Variants in ABCD3 observed in about 807,000 individuals in gnomAD.
The protein encoded by ABCD3 is ATP binding cassette subfamily D member 3.
In ABCD3, 41 loss-of-function variants were observed where a neutral mutation model predicts 105.5. That is an observed-to-expected ratio of 0.39 (90% CI 0.30 to 0.50). ABCD3 has a LOEUF of 0.50. Ranked by LOEUF, ABCD3 falls within the 20% of genes least tolerant of loss-of-function variation. The pLI is 0.84. For synonymous variants in ABCD3, 258 were observed against 269.0 expected (o/e 0.96, Z 0.40); for missense variants, 622 against 806.3 (o/e 0.77, Z 2.77).
upstream of ABCD3, among the ~76,000 whole-genome samples, chr1:94,417,662 C>A (rs537049374): frequency 2.6e-5 from 4 of 152,388 alleles, no homozygotes; most frequent in Admixed American, 1.3e-4. Context: ...TTTTACATCG[C>A]CGCTGGCGAT....
intron 1 of ABCD3, among the ~76,000 whole-genome samples, chr1:94,430,706 G>T (rs149078782): frequency 4.9e-4 from 75 of 152,262 alleles, no homozygotes; most frequent in Admixed American, 4.6e-3. Flanking sequence ...TCTTAGGTAT[G>T]TTTTTATCAG....
chr1:94,480,906 C>A (rs1301679589), intron 9 of ABCD3, among the ~76,000 whole-genome samples: 2 of 152,260 alleles, frequency 1.3e-5, no homozygotes, highest in East Asian at 3.9e-4. Context: ...ACTTACAATA[C>A]CTGTTCCAAG....
At chr1:94,491,088 C>T (rs1454170703) in intron 15 of ABCD3, 96 bp from the exon 16 acceptor site, 1 of 878,656 alleles carries the variant, frequency 1.1e-6, no homozygotes, top group Non-Finnish European at 1.8e-6. Context: ...GCTCTTTGCC[C>T]ATTTTTTAAT....
At chr1:94,418,881 G>T in intron 1 of ABCD3, 1 of 498,740 alleles carries the variant, frequency 2.0e-6, no homozygotes. Context: ...CTCCAGTTGG[G>T]GGTGGGAGGG....
rs1491109593 is a variant in ABCD3, at chr1:94,428,072, TTG to T, written c.110+9486_110+9487del. Among the ~76,000 whole-genome samples the T allele has an allele frequency of 9.2e-4, 138 of 149,488 alleles. 3 individuals are homozygous for T. The highest frequency in any genetic ancestry group is 7.9e-3 in the East Asian group (39 of 4,928). ...AAATAGGAGTATGCTAAAAGGTGTTTTGTTTTTTTTTTTATTTTTTATTTTTT... is the reference window on the plus strand; with the variant it reads ...AAATAGGAGTATGCTAAAAGGTGTTTTTTTTTTTTTTATTTTTTATTTTTT... On this transcript the variant is annotated intron_variant, in intron 1 of 22. Coordinates refer to ENST00000370214, the MANE Select transcript of ABCD3 (RefSeq NM_002858.4).
chr1:94,494,985 G>A (rs1649728893), intron 16 of ABCD3, among the ~76,000 whole-genome samples: 1 of 152,176 alleles, frequency 6.6e-6, no homozygotes, highest in Non-Finnish European at 1.5e-5. Context: ...GGCGGCTGAG[G>A]TGGGAGGATC....
intron 8 of ABCD3, among the ~76,000 whole-genome samples, chr1:94,478,906 G>A (rs1480819310): frequency 6.6e-6 from 1 of 152,116 alleles, no homozygotes; most frequent in Non-Finnish European, 1.5e-5. Context: ...TCTGATATTT[G>A]TGATGGCAAG....
intron 4 of ABCD3, among the ~76,000 whole-genome samples, chr1:94,470,060 T>C (rs896541333): frequency 2.2e-4 from 34 of 152,206 alleles, no homozygotes; most frequent in African/African-American, 6.8e-4. Flanking sequence ...AATAACCTGT[T>C]TCTGGATTTT....
intron 1 of ABCD3, among the ~76,000 whole-genome samples, chr1:94,432,847 G>C (rs1224383614): frequency 1.7e-5 from 2 of 115,104 alleles, no homozygotes; most frequent in Non-Finnish European, 3.4e-5. Flanking sequence ...TGCACTGTTA[G>C]GCAAATTTTT....
the ABCD3 span, among the ~76,000 whole-genome samples, chr1:94,393,838 C>T: frequency 3.9e-5 from 6 of 152,230 alleles, no homozygotes; most frequent in African/African-American, 7.2e-5. Context: ...CTTTCCAATA[C>T]GATTGATCCA....
rs60063555 is a variant in ABCD3, at chr1:94,444,641, C to A, written c.111-13966C>A. 2.3e-3 allele frequency among the ~76,000 whole-genome samples: 353 copies of A among 152,212 alleles called. 1 individual carries two copies. The highest frequency in any genetic ancestry group is 8.3e-3 in the African/African-American group (343 of 41,536). ...CTGTTGTTACATATATTACTCATTT[C>A]AAAATATTTTCTGATTTCTTTGACC... On this transcript the variant is annotated intron_variant, in intron 1 of 22. Transcript: ENST00000370214.
rs1048690624 is a variant in ABCD3, at chr1:94,491,379, A to G, written c.1386+132A>G. 1.4e-5 allele frequency: 10 copies of G among 712,006 alleles called. No homozygotes were observed. In the African/African-American group the frequency reaches 1.6e-4, roughly 12 times the overall value. 44.1% of individuals were successfully genotyped at this position (712,006 alleles called of 1,614,324 possible). On this transcript the variant is annotated intron_variant, in intron 16 of 22. Transcript: ENST00000370214. Reference sequence around the variant, plus strand: ...AATCCACAGAATTGCTTTAAAAAGTAAGTCTTTGAAACGCTTAGAAATCTA... The same window carrying G: ...AATCCACAGAATTGCTTTAAAAAGTGAGTCTTTGAAACGCTTAGAAATCTA...
At chr1:94,474,542 T>C (rs928675916) in intron 5 of ABCD3, among the ~76,000 whole-genome samples, 1 of 152,160 alleles carries the variant, frequency 6.6e-6, no homozygotes, top group East Asian at 1.9e-4. Flanking sequence ...AGCTGGAAGC[T>C]GGGGCTACAT....
intron 2 of ABCD3, among the ~76,000 whole-genome samples, chr1:94,461,630 T>A (rs575860653): frequency 2.9e-4 from 44 of 152,222 alleles, no homozygotes; most frequent in African/African-American, 1.1e-3. Context: ...CTCTTTCATA[T>A]TCTGTTTCTG....
chr1:94,451,923 A>C (rs531941706), intron 1 of ABCD3, among the ~76,000 whole-genome samples: 41 of 152,166 alleles, frequency 2.7e-4, no homozygotes, highest in Non-Finnish European at 5.1e-4. Flanking sequence ...TTCCATATGC[A>C]GTTAGTTCCC....
chr1:94,420,359 G>A lies in ABCD3; in HGVS notation c.110+1771G>A, dbSNP rs545637883. Among the ~76,000 whole-genome samples, 9 of 152,302 alleles carry A rather than the reference G, an allele frequency of 5.9e-5. No individual in the cohort carries two copies. In the South Asian group the frequency reaches 1.9e-3, roughly 32 times the overall value. On this transcript the variant is annotated intron_variant, in intron 1 of 22. Coordinates refer to ENST00000370214, the MANE Select transcript of ABCD3 (RefSeq NM_002858.4). Reference sequence around the variant, plus strand: ...AAACAGAATCTATTGGGAAATAGTAGCGATAGAAGTAAAATAATGTAATAG... The same window carrying A: ...AAACAGAATCTATTGGGAAATAGTAACGATAGAAGTAAAATAATGTAATAG...
intron 1 of ABCD3, among the ~76,000 whole-genome samples, chr1:94,428,234 A>G (rs1263118342): frequency 6.6e-6 from 1 of 152,224 alleles, no homozygotes; most frequent in African/African-American, 2.4e-5. Context: ...TCAAAGCATA[A>G]TCAGCTAGTT....
upstream of ABCD3, chr1:94,418,340 G>A: frequency 3.5e-6 from 2 of 574,988 alleles, no homozygotes; most frequent in Non-Finnish European, 5.4e-6. Flanking sequence ...GCGCGGCGGC[G>A]CGAGCCAGGG....
At chr1:94,514,517 A>G (rs1650839822) in intron 21 of ABCD3, 1 of 152,042 alleles carries the variant, frequency 6.6e-6, no homozygotes, top group Admixed American at 6.6e-5. Flanking sequence ...AAGTGCTTAA[A>G]TTTAAAACAT....
Sources: allele counts gnomAD v4.1 joint callset (sites outside exome capture counted in the v4.1 genomes callset), GRCh38; gene constraint gnomAD v4.1.1; transcripts MANE v1.5; gene names NCBI Gene and HGNC (gene_info 2026-07-23, HGNC 2026-07-21).